The following TRHDE variants were observed in gnomAD, a reference collection of about 807,000 sequenced individuals.
TRHDE encodes the protein thyrotropin releasing hormone degrading enzyme.
A neutral mutation model predicts 125.7 loss-of-function variants in TRHDE; 72 were observed. The observed-to-expected ratio is 0.57, with a 90% CI of 0.47 to 0.70. The LOEUF is 0.70. Ranked by LOEUF, TRHDE falls within the 30% of genes least tolerant of loss-of-function variation. The probability of loss-of-function intolerance (pLI) is 0.00; values close to 1 mark genes in which losing one functional copy is unlikely to be tolerated. For missense variants in TRHDE, 1,110 were observed against 1,327.1 expected (o/e 0.84, Z 2.54); for synonymous variants, 509 against 509.1 (o/e 1.00, Z 0.00).
intron 2 of TRHDE, among the ~76,000 whole-genome samples, chr12:72,233,522 T>C (rs1878286288): frequency 6.6e-6 from 1 of 152,124 alleles, no homozygotes; most frequent in African/African-American, 2.4e-5. Flanking sequence ...TAAAAAAGTA[T>C]AATAATAAGA....
At chr12:72,146,668 G>C (rs1007543479) in intron 2 of TRHDE, among the ~76,000 whole-genome samples, 1 of 152,232 alleles carries the variant, frequency 6.6e-6, no homozygotes, top group African/African-American at 2.4e-5. Flanking sequence ...CCACGGTAGT[G>C]TCTAGGGCTG....
chr12:72,299,402 T>C (rs1880422432), intron 2 of TRHDE, among the ~76,000 whole-genome samples: 1 of 152,224 alleles, frequency 6.6e-6, no homozygotes, highest in South Asian at 2.1e-4. Context: ...GCTGTTGTTT[T>C]CTCATTAAGT....
At chr12:72,346,019 G>A (rs1344354470) in intron 2 of TRHDE, among the ~76,000 whole-genome samples, 1 of 115,218 alleles carries the variant, frequency 8.7e-6, no homozygotes, top group Admixed American at 8.3e-5. Context: ...GATAAAGAAT[G>A]TATCATGGAA....
chr12:72,273,625 C>T lies in TRHDE; in HGVS notation c.914+68C>T, dbSNP rs1182709763. On this transcript the variant is annotated intron_variant, in intron 1 of 18. Transcript: ENST00000261180. This position sits in a 1 kb window ranked among gnomAD's most constrained non-coding sequence, Gnocchi z 5.3. ...GCGGCTCGAACCTCTGGGCGGCCTG[C>T]GACCCCGGGGACCCAGCTGGCTTCC... 2.1e-6 allele frequency: 3 copies of T among 1,448,776 alleles called. No homozygotes were observed. The highest frequency in any genetic ancestry group is 2.3e-5 in the East Asian group (1 of 43,574). 89.7% of individuals were successfully genotyped at this position (1,448,776 alleles called of 1,614,324 possible).
intron 7 of TRHDE, among the ~76,000 whole-genome samples, chr12:72,544,591 C>CT (rs1474758929): frequency 1.3e-5 from 2 of 150,118 alleles, no homozygotes; most frequent in East Asian, 3.9e-4. Flanking sequence ...TTCCTTTCTT[C>CT]TTTTTTTCTG....
chr12:72,190,868 A>G (rs1257813095), intron 2 of TRHDE, among the ~76,000 whole-genome samples: 2 of 152,192 alleles, frequency 1.3e-5, no homozygotes, highest in Admixed American at 6.5e-5. Context: ...GCACCATACT[A>G]TATAAAAATT....
In TRHDE at chr12:72,469,770, T is replaced by C. The variant is rs768922883; in HGVS notation, c.1328T>C (p.Val443Ala). 1.9e-6 allele frequency: 3 copies of C among 1,614,000 alleles called. No homozygotes were observed. The Admixed American group carries it at 5.0e-5, about 27-fold the overall frequency. Reference protein sequence around the residue: ...YSLPKLDLLAVPKHPYAAMEN... With the variant: ...YSLPKLDLLAAPKHPYAAMEN... ...ATTTTATTTCTAGATCTTTTAGCTGTGCCTAAGCATCCGTATGCTGCTATG... is the reference window on the plus strand; with the variant it reads ...ATTTTATTTCTAGATCTTTTAGCTGCGCCTAAGCATCCGTATGCTGCTATG... Residue 443 changes from valine (V) to alanine (A), a missense_variant, in exon 4 of 19, where the codon GTG becomes GCG. Physicochemically the swap from Val to Ala is moderately conservative, Grantham distance 64. Transcript: ENST00000261180.
chr12:72,311,023 C>A (rs910543641), intron 2 of TRHDE, among the ~76,000 whole-genome samples: 1 of 152,116 alleles, frequency 6.6e-6, no homozygotes, highest in East Asian at 1.9e-4. Flanking sequence ...TTGGTGTATA[C>A]GTTATATACA....
At chr12:72,312,346 T>C (rs926548436) in intron 2 of TRHDE, among the ~76,000 whole-genome samples, 2 of 152,168 alleles carry the variant, frequency 1.3e-5, no homozygotes, top group Admixed American at 1.3e-4. Context: ...GTTCAACAAA[T>C]AACAGGAATC....
intron 3 of TRHDE, among the ~76,000 whole-genome samples, chr12:72,392,540 A>G (rs992110478): frequency 2.6e-5 from 4 of 152,194 alleles, no homozygotes; most frequent in Non-Finnish European, 4.4e-5. Context: ...TTTTCTCTGT[A>G]AAAGGCCAGA....
At chr12:72,531,175 T>G (rs1868531421) in intron 6 of TRHDE, among the ~76,000 whole-genome samples, 1 of 152,144 alleles carries the variant, frequency 6.6e-6, no homozygotes, top group African/African-American at 2.4e-5. Context: ...GGCTAGGAAA[T>G]GCTTTCTTAT....
intron 18 of TRHDE, among the ~76,000 whole-genome samples, chr12:72,661,810 G>A (rs1874929365): frequency 6.6e-6 from 1 of 152,010 alleles, no homozygotes; most frequent in Non-Finnish European, 1.5e-5. Flanking sequence ...ACACCCATAA[G>A]TCTTTGTTAT....
chr12:72,294,439 C>G (rs1880210314), intron 2 of TRHDE, among the ~76,000 whole-genome samples: 1 of 152,116 alleles, frequency 6.6e-6, no homozygotes, highest in Admixed American at 6.5e-5. Flanking sequence ...CAGCTTCTAG[C>G]AGAGAAGGTA....
chr12:72,090,632 A>G (rs995949782), intron 1 of TRHDE, among the ~76,000 whole-genome samples: 1 of 152,134 alleles, frequency 6.6e-6, no homozygotes, highest in Non-Finnish European at 1.5e-5. Context: ...TTGCTATGTT[A>G]GGACTGGGAG....
rs758842537 is a variant in TRHDE at position 72,273,205 on chromosome 12, G to C, written c.562G>C (p.Gly188Arg). The change falls in exon 1 of 19, where the codon GGC becomes CGC. Residue 188 changes from glycine (G) to arginine (R), a missense_variant. Transcript: ENST00000261180. The surrounding 1 kb of genome is among the most constrained non-coding windows in gnomAD (Gnocchi z 5.3). ...WEPWTQLRLS[G>R]HLKPLHYNLM... ...GCCGTGGACGCAGCTGCGCCTGTCG[G>C]GCCACCTGAAGCCGCTGCACTACAA... 12 of 1,604,002 alleles carry C rather than the reference G, an allele frequency of 7.5e-6. No homozygotes were observed. The highest frequency in any genetic ancestry group is 1.0e-5 in the Non-Finnish European group (12 of 1,172,602).
intron 1 of TRHDE, among the ~76,000 whole-genome samples, chr12:72,094,932 G>C (rs1874877488): frequency 6.6e-6 from 1 of 152,172 alleles, no homozygotes; most frequent in Admixed American, 6.5e-5. Context: ...GGATGGCTGT[G>C]AAACTGTTAT....
At chr12:72,094,091 G>A (rs1483690202) in intron 1 of TRHDE, among the ~76,000 whole-genome samples, 1 of 152,150 alleles carries the variant, frequency 6.6e-6, no homozygotes. Context: ...GTCTGTGGTT[G>A]GTGAGCCTCT....
At chr12:72,408,103 A>T (rs1021925966) in intron 3 of TRHDE, among the ~76,000 whole-genome samples, 4 of 152,218 alleles carry the variant, frequency 2.6e-5, no homozygotes, top group Non-Finnish European at 4.4e-5. Context: ...GAGCAAGGGC[A>T]AGCAAGCTAG....
intron 2 of TRHDE, among the ~76,000 whole-genome samples, chr12:72,301,177 C>A (rs1868256713): frequency 6.6e-6 from 1 of 152,026 alleles, no homozygotes; most frequent in Admixed American, 6.6e-5. Context: ...TTTTAAATGG[C>A]AAGTCGGGCT....
Sources: gnomAD v4.1 joint callset for allele counts (sites outside exome capture counted in the v4.1 genomes callset) on GRCh38, gnomAD v4.1.1 for gene constraint, Gnocchi (gnomAD v3.1) non-coding constraint, MANE v1.5 for transcripts, NCBI Gene and HGNC (gene_info 2026-07-23, HGNC 2026-07-21) for gene names.